SLC19A1: variants seen among roughly 807,000 people sequenced by gnomAD.
SLC19A1 encodes solute carrier family 19 member 1, also known as reduced folate transporter.
SLC19A1 carries 37 observed loss-of-function variants against 35.3 expected under a neutral mutation model. The ratio of observed to expected loss-of-function variants is 1.05; its 90% CI spans 0.81 to 1.38. The LOEUF is 1.38. Ranked by LOEUF, SLC19A1 falls within the 40% of genes most tolerant of loss-of-function variation. The pLI, the probability that SLC19A1 is intolerant of heterozygous loss-of-function variation, is 0.00. For synonymous variants in SLC19A1, 460 were observed against 398.5 expected (o/e 1.15, Z -1.84); for missense variants, 831 against 826.9 (o/e 1.00, Z -0.06).
chr21:45,531,739 G>A lies in SLC19A1; in HGVS notation c.599C>T (p.Ala200Val), dbSNP rs780983109. 6.2e-7 allele frequency: 1 copy of A among 1,612,670 alleles called. No individual in the cohort carries two copies. The highest frequency in any genetic ancestry group is 8.5e-7 in the Non-Finnish European group (1 of 1,179,598). Residue 200 changes from alanine to valine, a missense_variant, in exon 3 of 6, where the codon GCC becomes GTC. Coordinates refer to ENST00000311124, the MANE Select transcript of SLC19A1 (RefSeq NM_194255.4). ...GCGCTTGGGGCGCTTCAGGAAGAGG[G>A]CGAGGACCACGCTGAAGGTGAGGAA... ...LAFLTFSVVL[A>V]LFLKRPKRSL...
In SLC19A1 at chr21:45,530,038, ATG is replaced by A. The variant is rs1251719989; in HGVS notation, c.1151+730_1151+731del. Among the ~76,000 whole-genome samples, 1 of 135,878 alleles carries A rather than the reference ATG, an allele frequency of 7.4e-6. No homozygotes were observed. Among genetic ancestry groups the A allele is most frequent in the Non-Finnish European group, 1.6e-5 (1 of 64,124 alleles). The allele number at this position is 135,878 out of a possible 152,430, so 89.1% of individuals were successfully genotyped here. On this transcript the variant is annotated intron_variant, in intron 4 of 5. Coordinates refer to ENST00000311124, the MANE Select transcript of SLC19A1 (RefSeq NM_194255.4). The surrounding 1 kb of genome is among the most constrained non-coding windows in gnomAD (Gnocchi z 5.3). Reference sequence around the variant, plus strand: ...CCATGTGTAAGTATGTGATGCATTCATGTGAGTGTAGTGGGTGTCCATCTGTG... The same window carrying A: ...CCATGTGTAAGTATGTGATGCATTCATGAGTGTAGTGGGTGTCCATCTGTG...
At chr21:45,510,978 CCCCA>C, downstream of SLC19A1, 29 of 20,676 alleles carry the variant, frequency 1.4e-3, 14 homozygotes, top group South Asian at 9.0e-3. Context: ...CCCAAACACC[CCCCA>C]CACCCCACAC....
chr21:45,521,640 C>G (rs555479313), intron 5 of SLC19A1, among the ~76,000 whole-genome samples: 15 of 152,314 alleles, frequency 9.8e-5, no homozygotes, highest in African/African-American at 3.4e-4. Flanking sequence ...ATAACCAAGA[C>G]AGTGTGATAT....
At position 45,525,845 on chromosome 21, in the gene SLC19A1, C is replaced by A; in HGVS notation, c.1265G>T (p.Arg422Leu). 3.1e-6 allele frequency: 5 copies of A among 1,613,402 alleles called. No individual in the cohort carries two copies. The highest frequency in any genetic ancestry group is 4.2e-6 in the Non-Finnish European group (5 of 1,179,960). ...CTTGCGGACCGGGAGGCCCAGGCCC[C>A]GCACGTCCGAGACAATGAAAGTGAT... ...TIITFIVSDV[R>L]GLGLPVRKQF... The change falls in exon 5 of 6, where the codon CGG (arginine) becomes CTG (leucine). Residue 422 changes from arginine to leucine, a missense_variant. Physicochemically the swap from Arg to Leu is moderately radical, Grantham distance 102. Transcript: ENST00000311124.
At chr21:45,504,853 A>C (rs1295710383) in intron 3 of SLC19A1, among the ~76,000 whole-genome samples, 3 of 152,094 alleles carry the variant, frequency 2.0e-5, no homozygotes, top group Admixed American at 6.5e-5. Flanking sequence ...GTTTAGGCCC[A>C]TCAGTCCTGA....
rs1466050965 is a variant in SLC19A1, at chr21:45,531,896, G to T, written c.442C>A (p.Arg148Ser). Residue 148 changes from arginine to serine, a missense_variant, in exon 3 of 6, where the codon CGC becomes AGC. Transcript: ENST00000311124. The part of the protein sequence containing the change: ...SYIFSLVRPA[R>S]YQRVAGYSRA... The stretch of plus-strand genomic sequence containing the variant: ...GAGTAGCCGGCCACACGCTGGTAGC[G>T]CGCGGGCCGCACGAGAGAGAAGATG... The T allele has an allele frequency of 6.3e-7, 1 of 1,588,440 alleles. No homozygotes were observed. Among genetic ancestry groups the T allele is most frequent in the South Asian group, 1.1e-5 (1 of 88,572 alleles).
Position 45,531,503 on chromosome 21 carries a change from C to T in SLC19A1, c.835G>A (p.Ala279Thr), listed in dbSNP as rs2077900239. 13 of 1,612,644 alleles carry T rather than the reference C, an allele frequency of 8.1e-6. No individual in the cohort carries two copies. The highest frequency in any genetic ancestry group is 1.0e-5 in the Non-Finnish European group (12 of 1,179,794). The change falls in exon 3 of 6, where the codon GCC (alanine) becomes ACC (threonine). Residue 279 changes from alanine (A) to threonine (T), a missense_variant. Physicochemically the swap from Ala to Thr is moderately conservative, Grantham distance 58. Coordinates refer to ENST00000311124, the MANE Select transcript of SLC19A1 (RefSeq NM_194255.4). ...TAGTAGACCACCAGGTAGTAGCCGG[C>T]CGAGTTGAAGACCCACCAGAGGGAC... ...LWSLWWVFNS[A>T]GYYLVVYYVH...
At chr21:45,525,742 G>T in intron 5 of SLC19A1, 75 bp downstream of exon 5, 1 of 1,535,114 alleles carries the variant, frequency 6.5e-7, no homozygotes, top group South Asian at 1.2e-5. Context: ...CACATCAGGC[G>T]GGCACCAGGA....
chr21:45,543,185 G>C (rs955682551), upstream of SLC19A1, among the ~76,000 whole-genome samples: 1 of 152,248 alleles, frequency 6.6e-6, no homozygotes, highest in African/African-American at 2.4e-5. Flanking sequence ...CAGGAAGGGG[G>C]GCCTGGGCCA....
chr21:45,531,646 T>C lies in SLC19A1; in HGVS notation c.692A>G (p.Asn231Ser). 1 of 1,612,202 alleles carries C rather than the reference T, an allele frequency of 6.2e-7. No individual in the cohort carries two copies. Among genetic ancestry groups the C allele is most frequent in the Non-Finnish European group, 8.5e-7 (1 of 1,179,738 alleles). The change falls in exon 3 of 6, where the codon AAT becomes AGT. Residue 231 changes from asparagine to serine, a missense_variant. Coordinates refer to ENST00000311124, the MANE Select transcript of SLC19A1 (RefSeq NM_194255.4). ...ETSASELERMNPGPGGKLGHA... is the reference protein window; with the variant it reads ...ETSASELERMSPGPGGKLGHA... ...TCCCAGCTTCCCGCCTGGGCCAGGA[T>C]TCATGCGCTCCAGCTCCGAAGCCGA...
rs947173800 is a variant in SLC19A1 at position 45,512,742 on chromosome 21, T to TG, written c.*2915dup. On this transcript the variant is annotated 3_prime_UTR_variant, in exon 6 of 6. Transcript: ENST00000311124. Reference sequence around the variant, plus strand: ...CAGGATTTCCTGCTTTGGGAAGCCGTGCTCGCCCCAGCAGGTGCTGACTTC... The same window carrying TG: ...CAGGATTTCCTGCTTTGGGAAGCCGTGGCTCGCCCCAGCAGGTGCTGACTTC... 2.3e-5 allele frequency: 9 copies of TG among 388,066 alleles called. No individual in the cohort carries two copies. Among genetic ancestry groups the TG allele is most frequent in the Non-Finnish European group, 3.9e-5 (8 of 205,498 alleles). 24.0% of individuals were successfully genotyped at this position (388,066 alleles called of 1,614,324 possible).
downstream of SLC19A1, chr21:45,509,320 C>A (rs1283559739): frequency 1.3e-6 from 2 of 1,535,256 alleles, no homozygotes; most frequent in African/African-American, 2.7e-5. Context: ...CCCGGAGGGT[C>A]CCCCCGCCGA....
chr21:45,512,185 C>T (rs553288348), downstream of SLC19A1: 6 of 1,611,526 alleles, frequency 3.7e-6, no homozygotes, highest in Admixed American at 1.7e-5. Flanking sequence ...GCGCGTCTTA[C>T]AGGCCCCAGA....
At chr21:45,557,341 C>T (rs576232339) in intron 1 of SLC19A1, among the ~76,000 whole-genome samples, 11 of 152,336 alleles carry the variant, frequency 7.2e-5, no homozygotes, top group South Asian at 2.1e-4. Context: ...GCTTTGACCC[C>T]GTAGCCCGTG....
intron 5 of SLC19A1, among the ~76,000 whole-genome samples, chr21:45,521,890 A>G (rs1411923249): frequency 1.3e-5 from 2 of 152,246 alleles, no homozygotes; most frequent in Non-Finnish European, 2.9e-5. Flanking sequence ...ATGTAAAAAC[A>G]CGAAACTTTA....
chr21:45,511,056 AC>A, downstream of SLC19A1: 1 of 556,160 alleles, frequency 1.8e-6, no homozygotes, highest in Non-Finnish European at 3.1e-6. Flanking sequence ...ACAAACACCC[AC>A]ACCCATCCAC....
At chr21:45,505,524 C>T in intron 3 of SLC19A1, 1 of 756,800 alleles carries the variant, frequency 1.3e-6, no homozygotes, top group Non-Finnish European at 2.3e-6. Context: ...CCACGGACCC[C>T]ACAGGGAGAT....
Position 45,513,530 on chromosome 21 carries a change from TC to T in SLC19A1, c.*2127del, listed in dbSNP as rs1195351803. 1 of 132,114 alleles carries T rather than the reference TC, an allele frequency of 7.6e-6. No homozygotes were observed. The highest frequency in any genetic ancestry group is 3.2e-5 in the African/African-American group (1 of 31,228). The allele number at this position is 132,114 out of a possible 1,614,324, so 8.2% of individuals were successfully genotyped here. ...CTGTCAGTCACAGCCACCCCTGAGA[TC>T]CGGCAACATCAACCCGAGTCATTCG... is the stretch of plus-strand genomic sequence containing the variant. On this transcript the variant is annotated 3_prime_UTR_variant, in exon 6 of 6. Coordinates refer to ENST00000311124, the MANE Select transcript of SLC19A1 (RefSeq NM_194255.4).
At chr21:45,505,214 C>T (rs766569499) in intron 3 of SLC19A1, 2 of 1,600,480 alleles carry the variant, frequency 1.2e-6, no homozygotes, top group Non-Finnish European at 1.7e-6. Flanking sequence ...ACGAGGGGCG[C>T]CAGGGCCCTC....
Sources: allele counts gnomAD v4.1 joint callset (sites outside exome capture counted in the v4.1 genomes callset), GRCh38; gene constraint gnomAD v4.1.1; non-coding constraint Gnocchi (gnomAD v3.1); transcripts MANE v1.5; gene names NCBI Gene and HGNC (gene_info 2026-07-23, HGNC 2026-07-21).